The following TMEM161A variants were observed in gnomAD, a reference collection of about 807,000 sequenced individuals.
TMEM161A encodes the protein transmembrane protein 161A, also known as adaptive response to oxidative stress protein 29.
A neutral mutation model predicts 57.1 loss-of-function variants in TMEM161A; 46 were observed. The ratio of observed to expected loss-of-function variants is 0.81; its 90% confidence interval spans 0.64 to 1.03. The LOEUF is 1.03. TMEM161A is among the 50% of genes least tolerant of loss of function. The pLI is 0.00. For synonymous variants in TMEM161A, 288 were observed against 279.0 expected (o/e 1.03, Z -0.32); for missense variants, 601 against 621.5 (o/e 0.97, Z 0.35).
In TMEM161A at chr19:19,132,856, C is replaced by T. The variant is rs2059965524; in HGVS notation, c.189-102G>A. On this transcript the variant is annotated intron_variant, in intron 3 of 11. Transcript: ENST00000162044. The surrounding 1 kb of genome is among the most constrained non-coding windows in gnomAD (Gnocchi z 4.3). ...AGCTGGCCTGGAGACCATCTCTTTC[C>T]ACAACCTTGGCTCCTCTGCACACTG... 9.8e-7 allele frequency: 1 copy of T among 1,016,652 alleles called. No individual in the cohort carries two copies. Among genetic ancestry groups the T allele is most frequent in the Admixed American group, 3.0e-5 (1 of 33,878 alleles). The allele number at this position is 1,016,652 out of a possible 1,614,324, so 63.0% of individuals were successfully genotyped here. A position where few individuals can be genotyped will look rare whatever the true frequency, so the allele number is the denominator to read the frequency against.
chr19:19,131,718 G>C lies in TMEM161A; in HGVS notation c.443+634C>G, dbSNP rs921841499. On this transcript the variant is annotated intron_variant, in intron 5 of 11. Coordinates refer to ENST00000162044, the MANE Select transcript of TMEM161A (RefSeq NM_017814.3). ...TTTTTGTACTTTTAGTAGAGAAGGG[G>C]TTTCTCAATGTTGGTCAGGCTGGTC... Among the ~76,000 whole-genome samples, 3 of 152,238 alleles carry C rather than the reference G, an allele frequency of 2.0e-5. No individual in the cohort carries two copies. In the East Asian group the frequency reaches 5.8e-4, roughly 29 times the overall value.
At position 19,132,644 on chromosome 19, in the gene TMEM161A, A is replaced by C. The variant is rs1045883548; in HGVS notation, c.286+13T>G. The C allele has an allele frequency of 3.8e-6, 6 of 1,563,446 alleles. No individual in the cohort carries two copies. The highest frequency in any genetic ancestry group is 4.3e-6 in the Non-Finnish European group (5 of 1,154,158). On this transcript the variant is annotated intron_variant, in intron 4 of 11. Transcript: ENST00000162044. This position sits in a 1 kb window ranked among gnomAD's most constrained non-coding sequence, Gnocchi z 4.3. Reference sequence around the variant, plus strand: ...TGAGGGAGTAGAGTTTAGGGATGGGACTGGGCTATTACCCAGGGCATCCAC... The same window carrying C: ...TGAGGGAGTAGAGTTTAGGGATGGGCCTGGGCTATTACCCAGGGCATCCAC...
At chr19:19,128,401 T>C (rs2059941688) in intron 6 of TMEM161A, among the ~76,000 whole-genome samples, 2 of 151,824 alleles carry the variant, frequency 1.3e-5, no homozygotes, top group African/African-American at 2.4e-5. Context: ...TAGCTAATTT[T>C]TTGTATTTTT....
chr19:19,130,525 G>A (rs1475735788), intron 5 of TMEM161A: 10 of 587,754 alleles, frequency 1.7e-5, no homozygotes, highest in Admixed American at 8.9e-5. Context: ...TCAGGCCACC[G>A]TGTCTGTACA....
chr19:19,134,476 C>G (rs2059975198), intron 2 of TMEM161A, among the ~76,000 whole-genome samples: 1 of 151,984 alleles, frequency 6.6e-6, no homozygotes, highest in Non-Finnish European at 1.5e-5. Flanking sequence ...GTGGCGCACA[C>G]CTGTAGTCCC....
intron 2 of TMEM161A, among the ~76,000 whole-genome samples, chr19:19,134,115 G>A (rs747215805): frequency 3.3e-5 from 5 of 149,944 alleles, no homozygotes; most frequent in Admixed American, 1.3e-4. Context: ...GAATTCAGTT[G>A]CCACCAGATT....
At position 19,119,474 on chromosome 19, in the gene TMEM161A, CT is replaced by C; in HGVS notation, c.*455del. On this transcript the variant is annotated 3_prime_UTR_variant, in exon 12 of 12. Transcript: ENST00000162044. ...GGCCTCCTTCTTGCTCTCCTTTCTC[CT>C]CCCAGACCTTTGCTCCCCTCTCAGT... is the stretch of plus-strand genomic sequence containing the variant. The C allele has an allele frequency of 6.0e-6, 1 of 167,032 alleles. No homozygotes were observed. The highest frequency in any genetic ancestry group is 1.3e-5 in the Non-Finnish European group (1 of 76,130). 10.3% of individuals were successfully genotyped at this position (167,032 alleles called of 1,614,324 possible). A position where few individuals can be genotyped will look rare whatever the true frequency, so the allele number is the denominator to read the frequency against.
chr19:19,121,559 C>A lies in TMEM161A; in HGVS notation c.766G>T (p.Ala256Ser). The stretch of plus-strand genomic sequence containing the variant: ...GGTCTGTCCTCCGACATGGTCAGTG[C>A]GTCCCGGTGGGTCTGGGCCAGCCGC... ...GLRLAQTHRD[A>S]LTMSEDRPML... is the part of the protein sequence containing the mutation. The change falls in exon 8 of 12, where the codon GCA becomes TCA. Residue 256 changes from alanine (A) to serine (S), a missense_variant. Coordinates refer to ENST00000162044, the MANE Select transcript of TMEM161A (RefSeq NM_017814.3). This position sits in a 1 kb window ranked among gnomAD's most constrained non-coding sequence, Gnocchi z 5.8. The A allele has an allele frequency of 1.9e-6, 3 of 1,613,904 alleles. No homozygotes were observed. The highest frequency in any genetic ancestry group is 2.5e-6 in the Non-Finnish European group (3 of 1,179,946).
Position 19,119,716 on chromosome 19 carries a change from G to A in TMEM161A, c.*214C>T. The A allele has an allele frequency of 1.6e-6, 1 of 606,796 alleles. No homozygotes were observed. The highest frequency in any genetic ancestry group is 2.1e-5 in the South Asian group (1 of 47,640). 37.6% of individuals were successfully genotyped at this position (606,796 alleles called of 1,614,324 possible). A position where few individuals can be genotyped will look rare whatever the true frequency, so the allele number is the denominator to read the frequency against. On this transcript the variant is annotated 3_prime_UTR_variant, in exon 12 of 12. Transcript: ENST00000162044. ...CATACGCTTCGGAGACAATGGCCTC[G>A]GGACCCTCATGCTGCTGGGCCCAGG...
chr19:19,122,650 C>T (rs1454831380), intron 6 of TMEM161A, among the ~76,000 whole-genome samples: 1 of 151,548 alleles, frequency 6.6e-6, no homozygotes, highest in Non-Finnish European at 1.5e-5. Flanking sequence ...TGGTGCACGC[C>T]TATAGTCCCA....
At chr19:19,123,935 T>C (rs571999409) in intron 6 of TMEM161A, among the ~76,000 whole-genome samples, 1 of 151,872 alleles carries the variant, frequency 6.6e-6, no homozygotes, top group African/African-American at 2.4e-5. Flanking sequence ...TGGCGGGTAA[T>C]ACCAGCTACT....
At chr19:19,134,055 T>TG (rs2059972877) in intron 2 of TMEM161A, among the ~76,000 whole-genome samples, 1 of 77,036 alleles carries the variant, frequency 1.3e-5, no homozygotes, top group South Asian at 4.0e-4. Flanking sequence ...ATCTCTGACG[T>TG]GTTTTTTTTT....
In TMEM161A at chr19:19,138,461, C is replaced by G; in HGVS notation, c.-33G>C. 2 of 1,591,622 alleles carry G rather than the reference C, an allele frequency of 1.3e-6. No individual in the cohort carries two copies. Among genetic ancestry groups the G allele is most frequent in the Non-Finnish European group, 8.6e-7 (1 of 1,169,564 alleles). ...GCGAGAACGCGGTGCACTCACCCAC[C>G]GGCCTAGGGCTCCGGGCACTCTGCG... On this transcript the variant is annotated 5_prime_UTR_variant, in exon 1 of 12. Transcript: ENST00000162044.
rs760569456 is a variant in TMEM161A at position 19,132,519 on chromosome 19, C to T, written c.287-11G>A. On this transcript the variant is annotated splice_polypyrimidine_tract_variant and intron_variant, in intron 4 of 11. Transcript: ENST00000162044. This position sits in a 1 kb window ranked among gnomAD's most constrained non-coding sequence, Gnocchi z 4.3. The stretch of plus-strand genomic sequence containing the variant: ...GGAAGAAGCGCAGGACTGTGGGGGG[C>T]ACTCTGCTCAGCCCTGGGGCCCAGC... 6.2e-7 allele frequency: 1 copy of T among 1,611,786 alleles called. No individual in the cohort carries two copies. Among genetic ancestry groups the T allele is most frequent in the Admixed American group, 1.7e-5 (1 of 59,824 alleles).
chr19:19,131,576 A>G (rs144054995), intron 5 of TMEM161A, among the ~76,000 whole-genome samples: 1,932 of 152,090 alleles, frequency 0.013, 29 homozygotes, highest in African/African-American at 0.044. Flanking sequence ...CCCAGGCTGG[A>G]GTGCAATAGC....
At chr19:19,125,579 C>T (rs576789096) in intron 6 of TMEM161A, among the ~76,000 whole-genome samples, 2 of 146,728 alleles carry the variant, frequency 1.4e-5, no homozygotes, top group Non-Finnish European at 3.0e-5. Context: ...TGCAGTGGCG[C>T]GATCTTGGCT....
Position 19,132,392 on chromosome 19 carries a change from TGTTAGTCTCCTTG to T in TMEM161A, c.390_402del (p.Lys131LeufsTer10). 2 of 1,614,052 alleles carry T rather than the reference TGTTAGTCTCCTTG, an allele frequency of 1.2e-6. No homozygotes were observed. The highest frequency in any genetic ancestry group is 1.7e-6 in the Non-Finnish European group (2 of 1,179,970). On this transcript the variant is annotated frameshift_variant, in exon 5 of 12. Coordinates refer to ENST00000162044, the MANE Select transcript of TMEM161A (RefSeq NM_017814.3). LOFTEE classifies it high-confidence loss of function. The surrounding 1 kb of genome is among the most constrained non-coding windows in gnomAD (Gnocchi z 4.3). ...GTGAGCAGGCACCAGAACACAGCAA[TGTTAGTCTCCTTG>T]GCTGGTCCCAGCATGTAGTAGTAGG... is the stretch of plus-strand genomic sequence containing the variant.
chr19:19,138,411 G>C lies in TMEM161A; in HGVS notation c.3+15C>G. On this transcript the variant is annotated intron_variant, in intron 1 of 11. Coordinates refer to ENST00000162044, the MANE Select transcript of TMEM161A (RefSeq NM_017814.3). The stretch of plus-strand genomic sequence containing the variant: ...GGCCCTGCAGAACCCCCCACTTCGC[G>C]GGACGCTCGCTCACCATGACGCGTG... 1.2e-6 allele frequency: 2 copies of C among 1,602,866 alleles called. No individual in the cohort carries two copies. Among genetic ancestry groups the C allele is most frequent in the Non-Finnish European group, 8.5e-7 (1 of 1,174,858 alleles).
Position 19,121,073 on chromosome 19 carries a change from G to A in TMEM161A, c.1008C>T (p.Ala336=), listed in dbSNP as rs2059907367. 6.2e-7 allele frequency: 1 copy of A among 1,612,028 alleles called. No homozygotes were observed. The highest frequency in any genetic ancestry group is 8.5e-7 in the Non-Finnish European group (1 of 1,179,598). The change falls in exon 10 of 12, where the codon GCC becomes GCT. Residue 336 remains alanine (A), a synonymous_variant. Coordinates refer to ENST00000162044, the MANE Select transcript of TMEM161A (RefSeq NM_017814.3). This position sits in a 1 kb window ranked among gnomAD's most constrained non-coding sequence, Gnocchi z 5.8. The part of the protein sequence containing the change: ...RLAVTRPHLQ[A]YLCLAKARVE... ...CCCGGGCCTTGGCCAGGCACAGGTA[G>A]GCCTGCAGGTGGGGCCGGGTCACCG...
Sources: allele counts gnomAD v4.1 joint callset (sites outside exome capture counted in the v4.1 genomes callset), GRCh38; gene constraint gnomAD v4.1.1; non-coding constraint Gnocchi (gnomAD v3.1); transcripts MANE v1.5; gene names NCBI Gene and HGNC (gene_info 2026-07-23, HGNC 2026-07-21).